RABGAP1L: variants seen among roughly 807,000 people sequenced by gnomAD.
The protein encoded by RABGAP1L is rab GTPase-activating protein 1-like.
In RABGAP1L, 63 loss-of-function variants were observed where a neutral mutation model predicts 137.7. That is an observed-to-expected ratio of 0.46 (90% CI 0.37 to 0.56). The LOEUF (loss-of-function observed/expected upper bound fraction) is 0.56. Among genes scored for constraint, RABGAP1L ranks in the 20% least tolerant of loss-of-function variants. RABGAP1L has a pLI of 0.00. For synonymous variants in RABGAP1L, 431 were observed against 433.7 expected (o/e 0.99, Z 0.08); for missense variants, 1,095 against 1,244.0 (o/e 0.88, Z 1.80).
At chr1:174,222,995 C>T (rs568097539) in intron 3 of RABGAP1L, among the ~76,000 whole-genome samples, 15 of 151,800 alleles carry the variant, frequency 9.9e-5, no homozygotes, top group East Asian at 3.9e-4. Context: ...AATGGCTGGG[C>T]GGGGTGGCTC....
intron 11 of RABGAP1L, among the ~76,000 whole-genome samples, chr1:174,330,219 G>A (rs1474121007): frequency 6.6e-6 from 1 of 152,032 alleles, no homozygotes; most frequent in Non-Finnish European, 1.5e-5. Flanking sequence ...AATACAAAAA[G>A]CAAAATGCAA....
chr1:174,651,751 T>C (rs925960136), intron 14 of RABGAP1L, among the ~76,000 whole-genome samples: 3 of 152,214 alleles, frequency 2.0e-5, no homozygotes, highest in Non-Finnish European at 4.4e-5. Context: ...GATGCGTTTC[T>C]TGAATACAGC....
In RABGAP1L at chr1:174,877,372, C is replaced by T. The variant is rs770418009; in HGVS notation, c.2340+65412C>T. On this transcript the variant is annotated intron_variant, in intron 19 of 25. Transcript: ENST00000681986. Reference sequence around the variant, plus strand: ...TTTCTTTCTTTCTGGATTTTTGACACTCCACCCCCTCGAACTCAGGTGGGT... The same window carrying T: ...TTTCTTTCTTTCTGGATTTTTGACATTCCACCCCCTCGAACTCAGGTGGGT... 3 of 1,441,846 alleles carry T rather than the reference C, an allele frequency of 2.1e-6. No individual in the cohort carries two copies. The African/African-American group carries it at 4.3e-5, about 21-fold the overall frequency. 89.3% of individuals were successfully genotyped at this position (1,441,846 alleles called of 1,614,324 possible). A position where few individuals can be genotyped will look rare whatever the true frequency, so the allele number is the denominator to read the frequency against.
chr1:174,560,702 C>A (rs6662375), intron 13 of RABGAP1L, among the ~76,000 whole-genome samples: 3,196 of 152,130 alleles, frequency 0.021, 119 homozygotes, highest in African/African-American at 0.074. Context: ...GTTTTTTGGC[C>A]ATCCTCCCCT....
At chr1:174,357,137 A>G (rs1379513188) in intron 11 of RABGAP1L, among the ~76,000 whole-genome samples, 2 of 152,176 alleles carry the variant, frequency 1.3e-5, no homozygotes, top group Admixed American at 1.3e-4. Flanking sequence ...TCTGCTCCCT[A>G]AGTTAAGCGT....
chr1:174,402,319 A>T (rs1648699716), intron 13 of RABGAP1L, among the ~76,000 whole-genome samples: 1 of 152,096 alleles, frequency 6.6e-6, no homozygotes, highest in Admixed American at 6.6e-5. Context: ...AAAACTCTAT[A>T]TTTTTCTGAT....
chr1:174,349,960 G>A (rs1273757034), intron 11 of RABGAP1L, among the ~76,000 whole-genome samples: 95 of 129,560 alleles, frequency 7.3e-4, no homozygotes, highest in African/African-American at 2.5e-3. Context: ...GGGTGGGGGG[G>A]CTGACCCCCC....
In RABGAP1L at chr1:174,459,621, A is replaced by G. The variant is rs184530023; in HGVS notation, c.1710+65476A>G. On this transcript the variant is annotated intron_variant, in intron 13 of 25. Transcript: ENST00000681986. The stretch of plus-strand genomic sequence containing the variant: ...ATTGTTTAGGGAATAGTGACAAGAA[A>G]TGTACAAATACATTTCAAGTACATG... Among the ~76,000 whole-genome samples, 3 of 152,252 alleles carry G rather than the reference A, an allele frequency of 2.0e-5. No individual in the cohort carries two copies. The East Asian group carries it at 5.8e-4, about 29-fold the overall frequency.
At chr1:174,170,520 C>CA (rs1665271075) in intron 1 of RABGAP1L, among the ~76,000 whole-genome samples, 1 of 151,810 alleles carries the variant, frequency 6.6e-6, no homozygotes, top group Non-Finnish European at 1.5e-5. Flanking sequence ...ACTAAAAATA[C>CA]AAAAATTAAC....
intron 13 of RABGAP1L, among the ~76,000 whole-genome samples, chr1:174,624,873 C>CT (rs562834068): frequency 0.21 from 28,177 of 131,056 alleles, 3,330 homozygotes; most frequent in Admixed American, 0.24. Flanking sequence ...TTTATCTTGC[C>CT]TTTTTTTTTT....
chr1:174,511,591 A>G (rs1436514738), intron 13 of RABGAP1L, among the ~76,000 whole-genome samples: 2 of 149,916 alleles, frequency 1.3e-5, no homozygotes, highest in Admixed American at 6.6e-5. Flanking sequence ...GTTAAAACTA[A>G]TTCTCTCCTA....
chr1:174,733,755 A>G (rs1682703971), intron 17 of RABGAP1L, among the ~76,000 whole-genome samples: 1 of 152,210 alleles, frequency 6.6e-6, no homozygotes, highest in Non-Finnish European at 1.5e-5. Flanking sequence ...AAGAGAAATG[A>G]TAGGATTTGA....
chr1:174,990,676 ATT>A lies in RABGAP1L; in HGVS notation c.*677_*678del, dbSNP rs1206544827. On this transcript the variant is annotated 3_prime_UTR_variant, in exon 26 of 26. Coordinates refer to ENST00000681986, the MANE Select transcript of RABGAP1L (RefSeq NM_001366446.1). ...ATTTTAATAAGTGTAGGTCAGGATC[ATT>A]TGGGCTGTGGTATTCTAACAGATCC... The A allele has an allele frequency of 6.6e-6, 1 of 152,152 alleles. No homozygotes were observed. The highest frequency in any genetic ancestry group is 1.5e-5 in the Non-Finnish European group (1 of 68,020). 9.4% of individuals were successfully genotyped at this position (152,152 alleles called of 1,614,324 possible).
At chr1:174,622,043 G>C (rs1672534467) in intron 13 of RABGAP1L, among the ~76,000 whole-genome samples, 1 of 152,164 alleles carries the variant, frequency 6.6e-6, no homozygotes, top group Admixed American at 6.5e-5. Flanking sequence ...AGTGGGCGAA[G>C]GATATGAATA....
intron 4 of RABGAP1L, among the ~76,000 whole-genome samples, chr1:174,239,402 C>T (rs904573145): frequency 2.6e-5 from 4 of 152,162 alleles, no homozygotes; most frequent in African/African-American, 4.8e-5. Context: ...ATAGGACTTA[C>T]CAGTCATATT....
chr1:174,382,435 C>T (rs1349412339), intron 12 of RABGAP1L, among the ~76,000 whole-genome samples: 17 of 43,034 alleles, frequency 4.0e-4, no homozygotes, highest in South Asian at 8.9e-4. Flanking sequence ...ACCAATCAGA[C>T]GTAGATTTGG....
intron 19 of RABGAP1L, among the ~76,000 whole-genome samples, chr1:174,815,931 T>A (rs1226633289): frequency 6.6e-6 from 1 of 152,170 alleles, no homozygotes; most frequent in Admixed American, 6.5e-5. Context: ...AAATAAAAGA[T>A]GTTTAAAGTG....
chr1:174,309,020 C>A (rs1167339522), intron 11 of RABGAP1L, among the ~76,000 whole-genome samples: 5 of 151,950 alleles, frequency 3.3e-5, no homozygotes, highest in Non-Finnish European at 7.4e-5. Context: ...GTATATCACT[C>A]CACTTATTTG....
At chr1:174,834,765 T>C (rs1293160552) in intron 19 of RABGAP1L, among the ~76,000 whole-genome samples, 1 of 152,148 alleles carries the variant, frequency 6.6e-6, no homozygotes, top group African/African-American at 2.4e-5. Flanking sequence ...TAAAACTCTC[T>C]AGACAAGCAA....
Sources: allele counts gnomAD v4.1 joint callset (sites outside exome capture counted in the v4.1 genomes callset), GRCh38; gene constraint gnomAD v4.1.1; transcripts MANE v1.5; gene names NCBI Gene and HGNC (gene_info 2026-07-23, HGNC 2026-07-21).